Variants in BCL11B observed in about 807,000 individuals in gnomAD.
BCL11B encodes B-cell lymphoma/leukemia 11B.
In BCL11B, 8 loss-of-function variants were observed where a neutral mutation model predicts 49.9. The ratio of observed to expected loss-of-function variants is 0.16; its 90% CI spans 0.09 to 0.29. The LOEUF is 0.29. BCL11B is among the 10% of genes least tolerant of loss of function. The pLI, the probability that BCL11B is intolerant of heterozygous loss-of-function variation, is 1.00. For synonymous variants in BCL11B, 739 were observed against 637.4 expected (o/e 1.16, Z -2.40); for missense variants, 1,006 against 1,351.0 (o/e 0.74, Z 4.00).
intron 2 of BCL11B, among the ~76,000 whole-genome samples, chr14:99,243,497 T>C (rs1263698011): frequency 6.6e-6 from 1 of 152,226 alleles, no homozygotes; most frequent in Non-Finnish European, 1.5e-5. Context: ...TTTGTTTTCA[T>C]ATCTGGACAG....
chr14:99,252,032 A>G (rs997674732), intron 2 of BCL11B, among the ~76,000 whole-genome samples: 1 of 152,160 alleles, frequency 6.6e-6, no homozygotes, highest in African/African-American at 2.4e-5. Flanking sequence ...AAAAGCATCT[A>G]GCACAATGAG....
At position 99,194,914 on chromosome 14, in the gene BCL11B, G is replaced by A. The variant is rs1887137664; in HGVS notation, c.641-18719C>T. 6.6e-6 allele frequency among the ~76,000 whole-genome samples: 1 copy of A among 152,148 alleles called. No individual in the cohort carries two copies. Among genetic ancestry groups the A allele is most frequent in the Non-Finnish European group, 1.5e-5 (1 of 68,024 alleles). ...CCCAAGTGCAGAAGCCAAGGCTCAG[G>A]AACAAAGCGCGTCTACCCAAGGCCA... On this transcript the variant is annotated intron_variant, in intron 3 of 3. Coordinates refer to ENST00000357195, the MANE Select transcript of BCL11B (RefSeq NM_138576.4). This position sits in a 1 kb window ranked among gnomAD's most constrained non-coding sequence, Gnocchi z 4.6.
At chr14:99,239,951 C>T (rs1888614157) in intron 2 of BCL11B, among the ~76,000 whole-genome samples, 1 of 152,098 alleles carries the variant, frequency 6.6e-6, no homozygotes, top group Admixed American at 6.5e-5. Flanking sequence ...GAGTGCCCAG[C>T]AAGGAGGTTA....
Position 99,197,603 on chromosome 14 carries a change from C to T in BCL11B, c.641-21408G>A, listed in dbSNP as rs1021545308. ...AGCCCTTGCTGTGGGGAGGAGGATT[C>T]GCCTCCTATCTAATAAGGTTCTTCT... On this transcript the variant is annotated intron_variant, in intron 3 of 3. Transcript: ENST00000357195. 2.0e-5 allele frequency among the ~76,000 whole-genome samples: 3 copies of T among 151,994 alleles called. No individual in the cohort carries two copies. The South Asian group carries it at 6.2e-4, about 32-fold the overall frequency.
At chr14:99,215,905 A>G (rs1385296877) in intron 3 of BCL11B, among the ~76,000 whole-genome samples, 4 of 152,210 alleles carry the variant, frequency 2.6e-5, no homozygotes, top group Non-Finnish European at 5.9e-5. Context: ...AAAGCAGGGA[A>G]GTAGGGGCGA....
Position 99,173,466 on chromosome 14 carries a change from T to A in BCL11B, c.*685A>T, listed in dbSNP as rs775027012. The A allele has an allele frequency of 1.6e-4, 34 of 215,598 alleles. No homozygotes were observed. The highest frequency in any genetic ancestry group is 2.7e-4 in the Non-Finnish European group (29 of 107,194). The allele number at this position is 215,598 out of a possible 1,614,324, so 13.4% of individuals were successfully genotyped here. A position where few individuals can be genotyped will look rare whatever the true frequency, so the allele number is the denominator to read the frequency against. Reference sequence around the variant, plus strand: ...GACTCGGGACGACATGAGTGCTACATCTCCATTCCAGTTCTGAAACAAAGT... The same window carrying A: ...GACTCGGGACGACATGAGTGCTACAACTCCATTCCAGTTCTGAAACAAAGT... On this transcript the variant is annotated 3_prime_UTR_variant, in exon 4 of 4. Coordinates refer to ENST00000357195, the MANE Select transcript of BCL11B (RefSeq NM_138576.4).
At position 99,231,880 on chromosome 14, in the gene BCL11B, A is replaced by T. The variant is rs1888349235; in HGVS notation, c.428-323T>A. ...CTGTGAGGACCCACTCTCAGGAAGGACCCCCCACGTGGGGGCCTCTGGAGC... is the reference window on the plus strand; with the variant it reads ...CTGTGAGGACCCACTCTCAGGAAGGTCCCCCCACGTGGGGGCCTCTGGAGC... On this transcript the variant is annotated intron_variant, in intron 2 of 3. Coordinates refer to ENST00000357195, the MANE Select transcript of BCL11B (RefSeq NM_138576.4). The surrounding 1 kb of genome is among the most constrained non-coding windows in gnomAD (Gnocchi z 8.1). Among the ~76,000 whole-genome samples, 1 of 150,868 alleles carries T rather than the reference A, an allele frequency of 6.6e-6. No homozygotes were observed. Among genetic ancestry groups the T allele is most frequent in the Admixed American group, 6.6e-5 (1 of 15,194 alleles).
At chr14:99,199,710 G>A (rs1887316822) in intron 3 of BCL11B, among the ~76,000 whole-genome samples, 2 of 128,958 alleles carry the variant, frequency 1.6e-5, no homozygotes, top group African/African-American at 2.7e-5. Context: ...GTGCACGTGT[G>A]TGCGTGTGTG....
rs1886263112 is a variant in BCL11B, at chr14:99,170,747, A to T, written c.*3404T>A. The T allele has an allele frequency of 4.3e-6, 1 of 233,290 alleles. No individual in the cohort carries two copies. Among genetic ancestry groups the T allele is most frequent in the Admixed American group, 5.6e-5 (1 of 17,768 alleles). The allele number at this position is 233,290 out of a possible 1,614,324, so 14.5% of individuals were successfully genotyped here. On this transcript the variant is annotated 3_prime_UTR_variant, in exon 4 of 4. Transcript: ENST00000357195. ...AGCAGGGAAGAAAGACAAGAGGCCA[A>T]CACTCTCCATGGCACGAAAGGTCCT...
At chr14:99,245,800 G>A (rs1888810990) in intron 2 of BCL11B, among the ~76,000 whole-genome samples, 1 of 152,152 alleles carries the variant, frequency 6.6e-6, no homozygotes, top group Admixed American at 6.5e-5. Flanking sequence ...GCGGCCCCGT[G>A]CGCACAAAGG....
At position 99,248,560 on chromosome 14, in the gene BCL11B, C is replaced by G. The variant is rs1036257618; in HGVS notation, c.427+8911G>C. Among the ~76,000 whole-genome samples the G allele has an allele frequency of 6.6e-6, 1 of 152,294 alleles. No individual in the cohort carries two copies. Among genetic ancestry groups the G allele is most frequent in the East Asian group, 1.9e-4 (1 of 5,174 alleles). ...GGACAGGGCCTGGTCACACAAGGGG[C>G]TCTGAGCTTCAACTGTTTACCTCAC... On this transcript the variant is annotated intron_variant, in intron 2 of 3. Coordinates refer to ENST00000357195, the MANE Select transcript of BCL11B (RefSeq NM_138576.4). This position sits in a 1 kb window ranked among gnomAD's most constrained non-coding sequence, Gnocchi z 4.7.
chr14:99,204,622 C>T (rs1887482775), intron 3 of BCL11B, among the ~76,000 whole-genome samples: 1 of 152,268 alleles, frequency 6.6e-6, no homozygotes, highest in South Asian at 2.1e-4. Context: ...AGGGGCAGTC[C>T]CTGGACACCT....
chr14:99,198,669 C>G (rs1228688952), intron 3 of BCL11B, among the ~76,000 whole-genome samples: 1 of 152,106 alleles, frequency 6.6e-6, no homozygotes, highest in Non-Finnish European at 1.5e-5. Context: ...GCCATACCCC[C>G]AGCCTTCCAA....
intron 3 of BCL11B, among the ~76,000 whole-genome samples, chr14:99,197,339 G>A (rs1241156313): frequency 2.6e-5 from 4 of 152,118 alleles, no homozygotes; most frequent in Non-Finnish European, 5.9e-5. Flanking sequence ...GACACCCCTG[G>A]CCCCTCTCTT....
chr14:99,193,610 G>C (rs1887099950), intron 3 of BCL11B, among the ~76,000 whole-genome samples: 1 of 152,078 alleles, frequency 6.6e-6, no homozygotes, highest in African/African-American at 2.4e-5. Context: ...AGAAAAAAAA[G>C]TTTCCCTTCT....
intron 2 of BCL11B, among the ~76,000 whole-genome samples, chr14:99,255,518 T>C (rs1461388087): frequency 1.3e-5 from 2 of 151,910 alleles, no homozygotes; most frequent in South Asian, 4.2e-4. Context: ...ATTTAGTCAC[T>C]TTCTTAAACA....
rs1479026753 is a variant in BCL11B, at chr14:99,242,166, C to T, written c.428-10609G>A. ...AACAAGAATCCTCTACCCCAAAATA[C>T]ATGCATGTGTCAAAAGAAGGCAGCA... On this transcript the variant is annotated intron_variant, in intron 2 of 3. Transcript: ENST00000357195. This position sits in a 1 kb window ranked among gnomAD's most constrained non-coding sequence, Gnocchi z 4.4. Among the ~76,000 whole-genome samples, 1 of 152,214 alleles carries T rather than the reference C, an allele frequency of 6.6e-6. No individual in the cohort carries two copies. The highest frequency in any genetic ancestry group is 6.5e-5 in the Admixed American group (1 of 15,282).
chr14:99,232,216 G>A lies in BCL11B; in HGVS notation c.428-659C>T, dbSNP rs1166068806. Among the ~76,000 whole-genome samples the A allele has an allele frequency of 1.3e-5, 2 of 151,952 alleles. No individual in the cohort carries two copies. Among genetic ancestry groups the A allele is most frequent in the South Asian group, 2.1e-4 (1 of 4,814 alleles). On this transcript the variant is annotated intron_variant, in intron 2 of 3. Transcript: ENST00000357195. The surrounding 1 kb of genome is among the most constrained non-coding windows in gnomAD (Gnocchi z 5.1). ...TACCACACCCCAAGAAAACCCTGGC[G>A]CTGCTCACCCCCTCCTAACGTCTCG...
At chr14:99,223,200 T>C (rs770066048) in intron 3 of BCL11B, among the ~76,000 whole-genome samples, 16 of 152,250 alleles carry the variant, frequency 1.1e-4, no homozygotes, top group Non-Finnish European at 2.2e-4. Context: ...GCTTTCTGTA[T>C]TCTAGAAAAA....
Sources: gnomAD v4.1 joint callset for allele counts (sites outside exome capture counted in the v4.1 genomes callset) on GRCh38, gnomAD v4.1.1 for gene constraint, Gnocchi (gnomAD v3.1) non-coding constraint, MANE v1.5 for transcripts, NCBI Gene and HGNC (gene_info 2026-07-23, HGNC 2026-07-21) for gene names.